CCDC81: variants seen among roughly 807,000 people sequenced by gnomAD.
The protein encoded by CCDC81 is coiled-coil domain-containing protein 81.
A neutral mutation model predicts 83.7 loss-of-function variants in CCDC81; 79 were observed. That is an observed-to-expected ratio of 0.94 (90% CI 0.79 to 1.14). The LOEUF is 1.14. Among genes scored for constraint, CCDC81 ranks in the 50% most tolerant of loss-of-function variants. The pLI is 0.00. For missense variants in CCDC81, 791 were observed against 778.1 expected (o/e 1.02, Z -0.20); for synonymous variants, 252 against 278.1 (o/e 0.91, Z 0.93).
At chr11:86,376,744 T>A (rs941407857) in intron 1 of CCDC81, among the ~76,000 whole-genome samples, 1 of 152,210 alleles carries the variant, frequency 6.6e-6, no homozygotes, top group Non-Finnish European at 1.5e-5. Context: ...GACTCTCCCA[T>A]TGTCAACATC....
intron 1 of CCDC81, among the ~76,000 whole-genome samples, chr11:86,379,989 G>GA (rs1006538231): frequency 1.3e-4 from 19 of 147,544 alleles, no homozygotes; most frequent in South Asian, 2.1e-4. Context: ...CTGTCTCAAA[G>GA]AAAAAAAAAG....
At chr11:86,375,443 G>A (rs1222520740) in intron 1 of CCDC81, among the ~76,000 whole-genome samples, 1 of 152,174 alleles carries the variant, frequency 6.6e-6, no homozygotes, top group Non-Finnish European at 1.5e-5. Context: ...TAAACCAGGG[G>A]ATGCGTAGAC....
chr11:86,403,068 G>A (rs12291394), intron 7 of CCDC81, among the ~76,000 whole-genome samples: 2,220 of 133,962 alleles, frequency 0.017, 71 homozygotes, highest in African/African-American at 0.058. Context: ...TGTGTAGGCT[G>A]GTCTAGAACT....
In CCDC81 at chr11:86,387,670, C is replaced by T. The variant is rs762550856; in HGVS notation, c.296C>T (p.Pro99Leu). 6.7e-5 allele frequency: 106 copies of T among 1,589,478 alleles called. No individual in the cohort carries two copies. Among genetic ancestry groups the T allele is most frequent in the Non-Finnish European group, 8.7e-5 (101 of 1,163,478 alleles). ...CTCAAACAAAACAAAGTATATACTC[C>T]TGGTAAATAATTCTGATATGTAGGA... ...HGLKQNKVYT[P>L]GEIPIVPLNF... Residue 99 changes from proline to leucine, a missense_variant and splice_region_variant, in exon 3 of 15, where the codon CCT becomes CTT. Transcript: ENST00000445632.
chr11:86,418,539 A>C (rs1335923114), intron 13 of CCDC81, among the ~76,000 whole-genome samples: 1 of 152,226 alleles, frequency 6.6e-6, no homozygotes, highest in African/African-American at 2.4e-5. Flanking sequence ...ATTCACTTTT[A>C]AAAAGGAAGA....
rs1208662188 is a variant in CCDC81 at position 86,384,833 on chromosome 11, C to T, written c.80-1218C>T. On this transcript the variant is annotated intron_variant, in intron 1 of 14. Transcript: ENST00000445632. ...ATCTTTGATAAACACATGGTTAGGTCTGGAAGGGCGATGTTAACACAGATA... is the reference window on the plus strand; with the variant it reads ...ATCTTTGATAAACACATGGTTAGGTTTGGAAGGGCGATGTTAACACAGATA... 2.6e-5 allele frequency among the ~76,000 whole-genome samples: 4 copies of T among 152,286 alleles called. No homozygotes were observed. In the South Asian group the frequency reaches 6.2e-4, roughly 24 times the overall value.
At chr11:86,417,117 G>A (rs1292647743) in intron 13 of CCDC81, among the ~76,000 whole-genome samples, 1 of 151,514 alleles carries the variant, frequency 6.6e-6, no homozygotes, top group African/African-American at 2.4e-5. Context: ...GTTGGTGTGC[G>A]CCTGTAATCC....
At chr11:86,378,869 G>C (rs1948134740) in intron 1 of CCDC81, among the ~76,000 whole-genome samples, 2 of 151,952 alleles carry the variant, frequency 1.3e-5, no homozygotes, top group Non-Finnish European at 2.9e-5. Flanking sequence ...TTTAGATTGG[G>C]TTTCTTTTAG....
At chr11:86,401,619 G>A (rs7130660) in intron 7 of CCDC81, among the ~76,000 whole-genome samples, 1,619 of 152,242 alleles carry the variant, frequency 0.011, 27 homozygotes, top group African/African-American at 0.036. Context: ...GCACCACCAT[G>A]TGCCAGGTAA....
At chr11:86,384,739 T>C (rs562167773) in intron 1 of CCDC81, among the ~76,000 whole-genome samples, 3 of 152,330 alleles carry the variant, frequency 2.0e-5, no homozygotes, top group Admixed American at 6.5e-5. Context: ...ATGTCACTGT[T>C]CTTGATTTTT....
chr11:86,377,329 C>T (rs959472996), intron 1 of CCDC81, among the ~76,000 whole-genome samples: 2 of 152,100 alleles, frequency 1.3e-5, no homozygotes, highest in African/African-American at 4.8e-5. Context: ...GGGACATAAT[C>T]GCTAGATTGT....
intron 4 of CCDC81, among the ~76,000 whole-genome samples, chr11:86,394,725 T>C (rs1321336460): frequency 1.3e-5 from 2 of 152,232 alleles, no homozygotes; most frequent in Admixed American, 1.3e-4. Flanking sequence ...AATAATTTTA[T>C]ATATTATTCT....
At chr11:86,418,511 C>T (rs1478252555) in intron 13 of CCDC81, among the ~76,000 whole-genome samples, 1 of 152,096 alleles carries the variant, frequency 6.6e-6, no homozygotes, top group African/African-American at 2.4e-5. Context: ...TATATATACA[C>T]TGTACAATGG....
intron 1 of CCDC81, among the ~76,000 whole-genome samples, chr11:86,379,813 C>T (rs1417928991): frequency 1.3e-5 from 2 of 151,870 alleles, no homozygotes; most frequent in African/African-American, 2.4e-5. Flanking sequence ...CTTGTCTGTA[C>T]AAAAAATTAA....
intron 7 of CCDC81, among the ~76,000 whole-genome samples, chr11:86,402,353 A>G (rs761147754): frequency 5.3e-5 from 8 of 152,168 alleles, no homozygotes; most frequent in Non-Finnish European, 8.8e-5. Flanking sequence ...TACACTTGGA[A>G]TATACACAGT....
intron 5 of CCDC81, 133 bp from the exon 6 acceptor site, chr11:86,397,488 G>A: frequency 1.9e-6 from 2 of 1,031,590 alleles, no homozygotes; most frequent in Non-Finnish European, 2.8e-6. Flanking sequence ...GCACATCAGA[G>A]CACTCACCCC....
rs150457738 is a variant in CCDC81 at position 86,375,577 on chromosome 11, A to G, written c.79+335A>G. Reference sequence around the variant, plus strand: ...TCACAACCCTTTTGCCTACCTAGAGAAAAGAGATGCAGGGACCCTAAATGG... The same window carrying G: ...TCACAACCCTTTTGCCTACCTAGAGGAAAGAGATGCAGGGACCCTAAATGG... On this transcript the variant is annotated intron_variant, in intron 1 of 14. Transcript: ENST00000445632. Among the ~76,000 whole-genome samples the G allele has an allele frequency of 6.3e-3, 959 of 152,240 alleles. 7 individuals carry two copies. The highest frequency in any genetic ancestry group is 0.022 in the African/African-American group (913 of 41,516).
intron 3 of CCDC81, among the ~76,000 whole-genome samples, chr11:86,391,232 G>A (rs1948324907): frequency 6.6e-6 from 1 of 152,214 alleles, no homozygotes; most frequent in Admixed American, 6.5e-5. Flanking sequence ...TAAAAATGGA[G>A]GGTGGTGGTT....
At chr11:86,414,970 G>T in intron 12 of CCDC81, 103 bp downstream of exon 12, 1 of 1,397,598 alleles carries the variant, frequency 7.2e-7, no homozygotes, top group African/African-American at 1.4e-5. Flanking sequence ...TTATGCATTT[G>T]GTAGTTTTTG....
Sources: allele counts gnomAD v4.1 joint callset (sites outside exome capture counted in the v4.1 genomes callset), GRCh38; gene constraint gnomAD v4.1.1; transcripts MANE v1.5; gene names NCBI Gene and HGNC (gene_info 2026-07-23, HGNC 2026-07-21).